Variants in CNTN1 observed in about 807,000 individuals in gnomAD.
The protein encoded by CNTN1 is contactin 1.
CNTN1 carries 38 observed loss-of-function variants against 126.4 expected under a neutral mutation model. The observed-to-expected ratio is 0.30, with a 90% CI of 0.23 to 0.39. The LOEUF is 0.39. Ranked by LOEUF, CNTN1 falls within the 10% of genes least tolerant of loss-of-function variation. CNTN1 has a pLI of 1.00. For synonymous variants in CNTN1, 413 were observed against 422.6 expected, an observed-to-expected ratio of 0.98 and a Z score of 0.28; for missense variants, 1,009 against 1,248.4, an observed-to-expected ratio of 0.81 and a Z score of 2.89.
chr12:41,001,647 G>T (rs1337179745), intron 17 of CNTN1, among the ~76,000 whole-genome samples: 1 of 152,000 alleles, frequency 6.6e-6, no homozygotes, highest in Non-Finnish European at 1.5e-5. Context: ...ATTGCTTTTG[G>T]CATCTTCATC....
chr12:40,984,152 C>A lies in CNTN1; in HGVS notation c.1963+3085C>A, dbSNP rs565207812. On this transcript the variant is annotated intron_variant, in intron 16 of 23. Coordinates refer to ENST00000551295, the MANE Select transcript of CNTN1 (RefSeq NM_001843.4). ...ATTACATCTCTATATGTCACAAACCCAATAATCTTATATTAATATTATCAC... is the reference window on the plus strand; with the variant it reads ...ATTACATCTCTATATGTCACAAACCAAATAATCTTATATTAATATTATCAC... Among the ~76,000 whole-genome samples, 7 of 151,208 alleles carry A rather than the reference C, an allele frequency of 4.6e-5. No homozygotes were observed. The South Asian group carries it at 1.5e-3, about 32-fold the overall frequency.
intron 6 of CNTN1, among the ~76,000 whole-genome samples, chr12:40,926,656 G>A (rs1460288623): frequency 6.6e-6 from 1 of 152,040 alleles, no homozygotes; most frequent in Admixed American, 6.6e-5. Flanking sequence ...CAAGAGATCT[G>A]TTTGGAGGTA....
chr12:40,938,353 C>T (rs1371144046), intron 11 of CNTN1, among the ~76,000 whole-genome samples: 2 of 152,060 alleles, frequency 1.3e-5, no homozygotes, highest in East Asian at 1.9e-4. Flanking sequence ...TCCATTATTC[C>T]CATAGCTGTT....
chr12:40,904,260 C>T (rs1301863264), intron 1 of CNTN1, among the ~76,000 whole-genome samples: 3 of 151,910 alleles, frequency 2.0e-5, no homozygotes, highest in Admixed American at 6.6e-5. Context: ...CCTCGTGATC[C>T]GTCCACCTTG....
intron 5 of CNTN1, among the ~76,000 whole-genome samples, chr12:40,923,496 A>G (rs571775566): frequency 7.2e-5 from 11 of 152,316 alleles, no homozygotes; most frequent in African/African-American, 2.4e-4. Flanking sequence ...TGTAAATAAT[A>G]TACATTAACC....
At chr12:40,928,496 G>GT (rs1945771744) in intron 6 of CNTN1, among the ~76,000 whole-genome samples, 3 of 151,986 alleles carry the variant, frequency 2.0e-5, no homozygotes, top group East Asian at 3.9e-4. Flanking sequence ...AGAAATATAT[G>GT]TTAACCGTAA....
intron 1 of CNTN1, among the ~76,000 whole-genome samples, chr12:40,827,430 A>G (rs958113851): frequency 4.6e-5 from 7 of 150,990 alleles, no homozygotes; most frequent in African/African-American, 7.3e-5. Flanking sequence ...CCTGGTAAAA[A>G]TCTCCATATT....
At chr12:40,804,524 A>G (rs894627884) in intron 1 of CNTN1, among the ~76,000 whole-genome samples, 2 of 152,032 alleles carry the variant, frequency 1.3e-5, no homozygotes, top group Non-Finnish European at 2.9e-5. Flanking sequence ...ACCCCGTATT[A>G]GACTGAGGGA....
intron 15 of CNTN1, among the ~76,000 whole-genome samples, chr12:40,961,937 T>C (rs1947118841): frequency 6.6e-6 from 1 of 151,828 alleles, no homozygotes; most frequent in Admixed American, 6.6e-5. Flanking sequence ...ATAAGAACTT[T>C]CCATATTTGA....
At chr12:40,756,320 G>A (rs1938607739) in intron 1 of CNTN1, among the ~76,000 whole-genome samples, 1 of 152,078 alleles carries the variant, frequency 6.6e-6, no homozygotes, top group South Asian at 2.1e-4. Flanking sequence ...CATAGTCAGA[G>A]AGTACAGTGC....
intron 1 of CNTN1, among the ~76,000 whole-genome samples, chr12:40,751,103 T>C (rs938531018): frequency 6.6e-6 from 1 of 152,074 alleles, no homozygotes; most frequent in Admixed American, 6.6e-5. Context: ...GTGTTCAGTT[T>C]TTAAATGGAA....
intron 17 of CNTN1, among the ~76,000 whole-genome samples, chr12:40,998,583 C>T (rs1031699798): frequency 6.6e-6 from 1 of 151,986 alleles, no homozygotes; most frequent in African/African-American, 2.4e-5. Context: ...TCAGAGCAAG[C>T]GCTCAGAAGA....
chr12:40,911,986 A>G (rs1945055152), intron 3 of CNTN1, among the ~76,000 whole-genome samples: 1 of 152,236 alleles, frequency 6.6e-6, no homozygotes. Flanking sequence ...TCTGCGAATT[A>G]CTCAGGTGAA....
At chr12:40,763,895 T>C (rs1004911375) in intron 1 of CNTN1, among the ~76,000 whole-genome samples, 2 of 152,194 alleles carry the variant, frequency 1.3e-5, no homozygotes, top group Admixed American at 1.3e-4. Flanking sequence ...ACTCTAGGCC[T>C]GGGATCTCTC....
chr12:40,754,668 A>G (rs1433592409), intron 1 of CNTN1, among the ~76,000 whole-genome samples: 5 of 151,698 alleles, frequency 3.3e-5, no homozygotes, highest in African/African-American at 9.7e-5. Context: ...TTTTGATGAT[A>G]TTTTCTCTTT....
chr12:40,807,502 GA>G (rs1940903656), intron 1 of CNTN1, among the ~76,000 whole-genome samples: 1 of 152,036 alleles, frequency 6.6e-6, no homozygotes, highest in Non-Finnish European at 1.5e-5. Context: ...TTACATTTAA[GA>G]TTTCTGCTGC....
intron 1 of CNTN1, among the ~76,000 whole-genome samples, chr12:40,722,878 A>C (rs1162794032): frequency 6.6e-6 from 1 of 152,148 alleles, no homozygotes; most frequent in Non-Finnish European, 1.5e-5. Context: ...TTTTCATGAG[A>C]GCCCTCCAAC....
chr12:40,925,856 A>G (rs1945662180), intron 6 of CNTN1, among the ~76,000 whole-genome samples: 4 of 143,678 alleles, frequency 2.8e-5, no homozygotes, highest in African/African-American at 7.7e-5. Flanking sequence ...ATATATATAT[A>G]TATATATATA....
chr12:40,946,648 T>C (rs1946444044), intron 14 of CNTN1, among the ~76,000 whole-genome samples: 1 of 152,086 alleles, frequency 6.6e-6, no homozygotes, highest in African/African-American at 2.4e-5. Flanking sequence ...TAAAAACTAA[T>C]ACAGGAAGTT....
Sources: gnomAD v4.1 joint callset for allele counts (sites outside exome capture counted in the v4.1 genomes callset) on GRCh38, gnomAD v4.1.1 for gene constraint, MANE v1.5 for transcripts, NCBI Gene and HGNC (gene_info 2026-07-23, HGNC 2026-07-21) for gene names.